Variants in ZNF600 observed in about 807,000 individuals in gnomAD.
The protein encoded by ZNF600 is zinc finger protein 600, also known as zinc finger protein KR-ZNF1.
ZNF600 carries 4 observed loss-of-function variants against 7.3 expected under a neutral mutation model. The observed-to-expected ratio is 0.55, with a 90% CI of 0.27 to 1.25. The LOEUF (loss-of-function observed/expected upper bound fraction) is 1.25. Among genes scored for constraint, ZNF600 ranks in the 50% most tolerant of loss-of-function variants. The pLI, the probability that ZNF600 is intolerant of heterozygous loss-of-function variation, is 0.12. For missense variants in ZNF600, 911 were observed against 922.1 expected, an observed-to-expected ratio of 0.99 and a Z score of 0.16; for synonymous variants, 290 against 308.9, an observed-to-expected ratio of 0.94 and a Z score of 0.64.
At chr19:52,799,106 T>G in the ZNF600 span, 2 of 420,080 alleles carry the variant, frequency 4.8e-6, no homozygotes, top group Non-Finnish European at 9.2e-6. Flanking sequence ...ATTTGTAAGA[T>G]TTCTCTGCAG....
At chr19:52,810,234 A>G in the ZNF600 span, 1 of 1,168,630 alleles carries the variant, frequency 8.6e-7, no homozygotes, top group Non-Finnish European at 1.3e-6. Context: ...GAAGCAGAGG[A>G]ATATGAGTCT....
chr19:52,792,283 T>C, the ZNF600 span, among the ~76,000 whole-genome samples: 109,678 of 152,020 alleles, frequency 0.72, 40,989 homozygotes, highest in East Asian at 0.84. Context: ...AGGAAATAAA[T>C]CTTTGAGCCC....
intron 3 of ZNF600, among the ~76,000 whole-genome samples, chr19:52,770,078 G>A (rs1005715789): frequency 1.4e-4 from 22 of 152,262 alleles, no homozygotes; most frequent in African/African-American, 5.1e-4. Flanking sequence ...TATAAGAACT[G>A]AAATACATGT....
chr19:52,829,144 G>A, the ZNF600 span, among the ~76,000 whole-genome samples: 10 of 151,276 alleles, frequency 6.6e-5, no homozygotes, highest in East Asian at 1.9e-4. Flanking sequence ...GATCACAGGC[G>A]TGAGCCACCT....
chr19:52,793,077 G>T, the ZNF600 span, among the ~76,000 whole-genome samples: 1 of 150,652 alleles, frequency 6.6e-6, no homozygotes, highest in Non-Finnish European at 1.5e-5. Context: ...ATTAATGCTC[G>T]AACTCAATGT....
intron 2 of ZNF600, among the ~76,000 whole-genome samples, chr19:52,777,210 C>G (rs1322081217): frequency 2.6e-5 from 4 of 151,524 alleles, no homozygotes; most frequent in Non-Finnish European, 4.4e-5. Flanking sequence ...AACCCCATCT[C>G]TACTAAAAAT....
chr19:52,803,167 C>T, the ZNF600 span, among the ~76,000 whole-genome samples: 1 of 152,198 alleles, frequency 6.6e-6, no homozygotes, highest in East Asian at 1.9e-4. Context: ...GCAACCTCTG[C>T]CTTGGGGTTC....
the ZNF600 span, chr19:52,799,149 T>G: frequency 4.9e-6 from 2 of 406,496 alleles, no homozygotes; most frequent in South Asian, 4.8e-5. Flanking sequence ...AAGGTGTGAC[T>G]GTTGATTAAA....
chr19:52,826,531 C>A, the ZNF600 span, among the ~76,000 whole-genome samples: 3 of 152,206 alleles, frequency 2.0e-5, no homozygotes, highest in Admixed American at 6.6e-5. Context: ...CAAGGCAAAA[C>A]CCCATCTCTA....
Position 52,780,422 on chromosome 19 carries a change from G to C in ZNF600, c.-19-1515C>G, listed in dbSNP as rs372191213. Among the ~76,000 whole-genome samples the C allele has an allele frequency of 1.6e-4, 25 of 151,866 alleles. No individual in the cohort carries two copies. In the South Asian group the frequency reaches 5.0e-3, roughly 30 times the overall value. ...TAGAGAGAGGGACAGCTCAAGTGAG[G>C]GCCCTGAGACAGGAGCAACCTCAGC... On this transcript the variant is annotated intron_variant, in intron 1 of 3. Transcript: ENST00000648973.
the ZNF600 span, among the ~76,000 whole-genome samples, chr19:52,825,718 G>A: frequency 6.6e-6 from 1 of 152,064 alleles, no homozygotes; most frequent in Non-Finnish European, 1.5e-5. Flanking sequence ...GGGCACAGTG[G>A]CTCATGCCTG....
the ZNF600 span, chr19:52,801,510 G>A: frequency 6.2e-7 from 1 of 1,613,982 alleles, no homozygotes; most frequent in Non-Finnish European, 8.5e-7. Context: ...TTCTGTCATG[G>A]GTGCTGCATG....
chr19:52,773,826 G>C (rs1052477751), intron 3 of ZNF600, among the ~76,000 whole-genome samples: 1 of 151,626 alleles, frequency 6.6e-6, no homozygotes, highest in Non-Finnish European at 1.5e-5. Context: ...AGCTGAGATT[G>C]CACCACTGCA....
the ZNF600 span, among the ~76,000 whole-genome samples, chr19:52,811,877 G>A: frequency 4.0e-3 from 549 of 138,054 alleles, 6 homozygotes; most frequent in African/African-American, 0.015. Flanking sequence ...CGCCCCGTCC[G>A]GGAGGGAGGT....
chr19:52,827,389 C>T, the ZNF600 span, among the ~76,000 whole-genome samples: 1 of 151,966 alleles, frequency 6.6e-6, no homozygotes. Context: ...TATGTAGTTT[C>T]TGGGATCCAG....
At chr19:52,830,391 A>T in the ZNF600 span, among the ~76,000 whole-genome samples, 1 of 152,300 alleles carries the variant, frequency 6.6e-6, no homozygotes, top group East Asian at 1.9e-4. Flanking sequence ...CACATACAGT[A>T]AGTGAGGGAC....
At chr19:52,799,951 C>A in the ZNF600 span, 2 of 1,613,738 alleles carry the variant, frequency 1.2e-6, no homozygotes, top group Non-Finnish European at 1.7e-6. Flanking sequence ...TAAGGTTTCT[C>A]TCCAGTATGA....
At chr19:52,809,882 A>T in the ZNF600 span, 2 of 746,286 alleles carry the variant, frequency 2.7e-6, no homozygotes, top group South Asian at 1.5e-5. Flanking sequence ...GCGGTCCGGG[A>T]TCCAGGCCGG....
the ZNF600 span, chr19:52,807,729 C>T: frequency 2.1e-6 from 1 of 486,014 alleles, no homozygotes. Flanking sequence ...CACGCCTTGG[C>T]CTCCCAAGGT....
Sources: allele counts gnomAD v4.1 joint callset (sites outside exome capture counted in the v4.1 genomes callset), GRCh38; gene constraint gnomAD v4.1.1; transcripts MANE v1.5; gene names NCBI Gene and HGNC (gene_info 2026-07-23, HGNC 2026-07-21).